PHF20: variants seen among roughly 807,000 people sequenced by gnomAD.
The protein encoded by PHF20 is PHD finger protein 20, also known as glioma-expressed antigen 2.
PHF20 carries 23 observed loss-of-function variants against 113.5 expected under a neutral mutation model. The ratio of observed to expected loss-of-function variants is 0.20; its 90% CI spans 0.15 to 0.29. The LOEUF is 0.29. Ranked by LOEUF, PHF20 falls within the 10% of genes least tolerant of loss-of-function variation. PHF20 has a pLI of 1.00. For missense variants in PHF20, 943 were observed against 1,219.6 expected (o/e 0.77, Z 3.38); for synonymous variants, 434 against 457.3 (o/e 0.95, Z 0.65).
At chr20:35,860,237 ATTTTTTTTTT>A (rs34253757) in intron 5 of PHF20, among the ~76,000 whole-genome samples, 1 of 129,760 alleles carries the variant, frequency 7.7e-6, no homozygotes, top group Non-Finnish European at 1.6e-5. Context: ...TTTCTAAGAA[ATTTTTTTTTT>A]TTTTTTTTTT....
chr20:35,928,106 T>C (rs2055678060), intron 14 of PHF20, among the ~76,000 whole-genome samples: 1 of 152,156 alleles, frequency 6.6e-6, no homozygotes, highest in South Asian at 2.1e-4. Flanking sequence ...GGCCTGGCCT[T>C]GAGCTAGAAC....
chr20:35,942,924 C>T (rs1376568787), intron 17 of PHF20, among the ~76,000 whole-genome samples: 6 of 151,970 alleles, frequency 3.9e-5, no homozygotes, highest in South Asian at 2.1e-4. Context: ...CCCGGGTTCA[C>T]GCCATTCTCC....
At chr20:35,913,971 G>A in intron 11 of PHF20, 62 bp from the exon 12 acceptor site, 2 of 1,504,746 alleles carry the variant, frequency 1.3e-6, no homozygotes, top group South Asian at 2.3e-5. Context: ...GGATGAGATT[G>A]ATTCTAGAAT....
intron 1 of PHF20, among the ~76,000 whole-genome samples, chr20:35,790,044 A>G (rs2041511930): frequency 6.6e-6 from 1 of 150,588 alleles, no homozygotes; most frequent in South Asian, 2.1e-4. Context: ...TTTAGTAGAG[A>G]TGGGTTTTCA....
At chr20:35,835,243 C>G (rs2042419790) in intron 2 of PHF20, among the ~76,000 whole-genome samples, 1 of 151,934 alleles carries the variant, frequency 6.6e-6, no homozygotes, top group African/African-American at 2.4e-5. Flanking sequence ...CCACTGCACT[C>G]CAGTCTGGGC....
chr20:35,829,710 C>T (rs1555791102), intron 2 of PHF20, among the ~76,000 whole-genome samples: 1 of 151,498 alleles, frequency 6.6e-6, no homozygotes, highest in Non-Finnish European at 1.5e-5. Flanking sequence ...AACTCCTGGC[C>T]TTAGCCGTGC....
chr20:35,822,745 GGAGGATCGCAT>G (rs1176108320), intron 2 of PHF20, among the ~76,000 whole-genome samples: 11 of 151,040 alleles, frequency 7.3e-5, no homozygotes, highest in Admixed American at 5.3e-4. Context: ...GGCTGAGGTG[GGAGGATCGCAT>G]GAGCCCAGGA....
intron 9 of PHF20, among the ~76,000 whole-genome samples, chr20:35,875,043 T>G (rs1240875055): frequency 6.6e-6 from 1 of 152,104 alleles, no homozygotes; most frequent in Non-Finnish European, 1.5e-5. Flanking sequence ...GAGGCTGCCT[T>G]GAGCTGTGAT....
intron 10 of PHF20, among the ~76,000 whole-genome samples, chr20:35,901,905 AGT>A (rs2055104764): frequency 6.6e-6 from 1 of 152,024 alleles, no homozygotes; most frequent in African/African-American, 2.4e-5. Flanking sequence ...ACTGTCTCTG[AGT>A]GTAAACCTGA....
rs187971200 is a variant in PHF20, at chr20:35,793,620, C to T, written c.-32-7871C>T. On this transcript the variant is annotated intron_variant, in intron 1 of 17. Transcript: ENST00000374012. ...TGTCTTGAGAGTCCTTTCTAACAGC[C>T]GTATCTAAAATAGTCCTTTCCATGT... 7.2e-5 allele frequency among the ~76,000 whole-genome samples: 11 copies of T among 151,792 alleles called. No homozygotes were observed. In the East Asian group the frequency reaches 2.0e-3, roughly 27 times the overall value.
intron 1 of PHF20, among the ~76,000 whole-genome samples, chr20:35,787,027 T>C (rs1406335383): frequency 1.3e-5 from 2 of 150,642 alleles, no homozygotes; most frequent in East Asian, 2.0e-4. Context: ...TCTCTTGCTC[T>C]GTTGCCCAAG....
intron 4 of PHF20, among the ~76,000 whole-genome samples, chr20:35,856,094 C>T (rs1001187141): frequency 2.6e-5 from 4 of 152,058 alleles, no homozygotes; most frequent in Non-Finnish European, 4.4e-5. Flanking sequence ...TCGACACGTT[C>T]CCCCACCCCT....
intron 2 of PHF20, among the ~76,000 whole-genome samples, chr20:35,815,837 G>C (rs1445711175): frequency 6.6e-6 from 1 of 152,188 alleles, no homozygotes; most frequent in Non-Finnish European, 1.5e-5. Context: ...AAGTTGTAGT[G>C]AGCCAAGATT....
intron 2 of PHF20, among the ~76,000 whole-genome samples, chr20:35,818,517 C>T (rs2042114212): frequency 2.0e-5 from 3 of 152,156 alleles, no homozygotes. Flanking sequence ...ACCTCATCCT[C>T]CCAAAGTGCT....
chr20:35,851,584 A>G (rs895671845), intron 4 of PHF20, among the ~76,000 whole-genome samples: 1 of 135,662 alleles, frequency 7.4e-6, no homozygotes. Flanking sequence ...CCCAACCCCC[A>G]CCCCGCCCCT....
chr20:35,902,603 A>G (rs1403029405), intron 10 of PHF20, among the ~76,000 whole-genome samples: 1 of 152,166 alleles, frequency 6.6e-6, no homozygotes, highest in Non-Finnish European at 1.5e-5. Context: ...ATGCTGATCT[A>G]CCACCTGGCT....
At chr20:35,935,026 A>C (rs996760930) in intron 15 of PHF20, among the ~76,000 whole-genome samples, 10 of 152,136 alleles carry the variant, frequency 6.6e-5, no homozygotes, top group African/African-American at 9.7e-5. Flanking sequence ...TTCTTTAAAA[A>C]AAAATTTTTT....
chr20:35,800,737 C>T (rs1469210626), intron 1 of PHF20, among the ~76,000 whole-genome samples: 1 of 152,118 alleles, frequency 6.6e-6, no homozygotes, highest in Non-Finnish European at 1.5e-5. Flanking sequence ...CACCACTGCA[C>T]TCAGCCTGGG....
chr20:35,903,043 T>TTTTCTTTTCCTTTCCTTTCC (rs1266749194), intron 10 of PHF20, among the ~76,000 whole-genome samples: 2 of 123,488 alleles, frequency 1.6e-5, no homozygotes, highest in African/African-American at 7.2e-5. Flanking sequence ...TTTTGAGTGA[T>TTTTCTTTTCCTTTCCTTTCC]TTTCGTTTCC....
Sources: allele counts gnomAD v4.1 joint callset (sites outside exome capture counted in the v4.1 genomes callset), GRCh38; gene constraint gnomAD v4.1.1; transcripts MANE v1.5; gene names NCBI Gene and HGNC (gene_info 2026-07-23, HGNC 2026-07-21).